The following PELI2 variants were observed in gnomAD, a reference collection of about 807,000 sequenced individuals.
PELI2 encodes pellino E3 ubiquitin protein ligase family member 2, also known as E3 ubiquitin-protein ligase pellino homolog 2.
A neutral mutation model predicts 42.3 loss-of-function variants in PELI2; 23 were observed. The ratio of observed to expected loss-of-function variants is 0.54; its 90% confidence interval spans 0.39 to 0.77. The LOEUF (loss-of-function observed/expected upper bound fraction) is 0.77. Ranked by LOEUF, PELI2 falls within the 30% of genes least tolerant of loss-of-function variation. The pLI, the probability that PELI2 is intolerant of heterozygous loss-of-function variation, is 0.00. For synonymous variants in PELI2, 245 were observed against 212.2 expected (o/e 1.15, Z -1.34); for missense variants, 463 against 553.2 (o/e 0.84, Z 1.64).
At chr14:56,192,237 T>G (rs1157221389) in intron 2 of PELI2, among the ~76,000 whole-genome samples, 1 of 152,246 alleles carries the variant, frequency 6.6e-6, no homozygotes, top group Non-Finnish European at 1.5e-5. Context: ...TTACTGAAAT[T>G]TCTTGCATTT....
chr14:56,240,072 T>A (rs1485275802), intron 2 of PELI2, among the ~76,000 whole-genome samples: 2 of 152,132 alleles, frequency 1.3e-5, no homozygotes, highest in East Asian at 3.9e-4. Flanking sequence ...ATTAAGATAT[T>A]TGGGCCAGAT....
intron 1 of PELI2, among the ~76,000 whole-genome samples, chr14:56,163,702 A>G (rs1449167831): frequency 3.3e-5 from 5 of 152,116 alleles, no homozygotes; most frequent in African/African-American, 9.7e-5. Flanking sequence ...TTTCCAATCC[A>G]TGAACATGGG....
chr14:56,282,308 G>C (rs1466798511), intron 3 of PELI2, among the ~76,000 whole-genome samples: 1 of 151,920 alleles, frequency 6.6e-6, no homozygotes, highest in Non-Finnish European at 1.5e-5. Context: ...ATATTATTGA[G>C]TATATGGAGT....
chr14:56,124,781 G>A lies in PELI2; in HGVS notation c.77+6044G>A, dbSNP rs140308420. Among the ~76,000 whole-genome samples, 201 of 152,318 alleles carry A rather than the reference G, an allele frequency of 1.3e-3. 1 individual carries two copies. The highest frequency in any genetic ancestry group is 4.3e-3 in the African/African-American group (177 of 41,574). On this transcript the variant is annotated intron_variant, in intron 1 of 5. Transcript: ENST00000267460. ...TGACCACGATGGAGATAAGAGGGAA[G>A]GAGTGCTTTCCGAAGAAGGTTTGGA... is the stretch of plus-strand genomic sequence containing the variant.
chr14:56,138,713 A>G (rs1350947566), intron 1 of PELI2, among the ~76,000 whole-genome samples: 3 of 152,186 alleles, frequency 2.0e-5, no homozygotes, highest in Non-Finnish European at 4.4e-5. Context: ...TCCATTTCAG[A>G]CTATAACTGA....
rs1890068119 is a variant in PELI2 at position 56,297,994 on chromosome 14, G to C, written c.*828G>C. ...GAGGGTAATTACAGTAGTAGACATG[G>C]TCTGGGTACTATACTACCATGTTTA... On this transcript the variant is annotated 3_prime_UTR_variant, in exon 6 of 6. Transcript: ENST00000267460. 6.6e-6 allele frequency: 1 copy of C among 152,008 alleles called. No individual in the cohort carries two copies. Among genetic ancestry groups the C allele is most frequent in the African/African-American group, 2.4e-5 (1 of 41,402 alleles). The allele number at this position is 152,008 out of a possible 1,614,324, so 9.4% of individuals were successfully genotyped here. A position where few individuals can be genotyped will look rare whatever the true frequency, so the allele number is the denominator to read the frequency against.
At chr14:56,125,132 G>A (rs1883203991) in intron 1 of PELI2, among the ~76,000 whole-genome samples, 1 of 152,082 alleles carries the variant, frequency 6.6e-6, no homozygotes, top group African/African-American at 2.4e-5. Context: ...GAGCTAGAGG[G>A]CAGCTGTCTT....
chr14:56,124,686 A>G (rs242387), intron 1 of PELI2, among the ~76,000 whole-genome samples: 99,915 of 152,100 alleles, frequency 0.66, 33,037 homozygotes, highest in Admixed American at 0.73. Flanking sequence ...GCCTAGCTGG[A>G]AGACCTGAAG....
intron 2 of PELI2, among the ~76,000 whole-genome samples, chr14:56,267,068 T>C (rs1169913841): frequency 1.3e-5 from 2 of 152,086 alleles, no homozygotes; most frequent in Non-Finnish European, 2.9e-5. Flanking sequence ...GTGGCTTTCT[T>C]AGTGATAGAA....
intron 2 of PELI2, among the ~76,000 whole-genome samples, chr14:56,269,156 T>C (rs563282389): frequency 4.4e-4 from 67 of 152,218 alleles, no homozygotes; most frequent in Admixed American, 9.8e-4. Context: ...AAAGAATTGA[T>C]TGGGTTAGGT....
chr14:56,151,435 A>G (rs1350697054), intron 1 of PELI2, among the ~76,000 whole-genome samples: 2 of 152,188 alleles, frequency 1.3e-5, no homozygotes, highest in Middle Eastern at 3.2e-3. Flanking sequence ...CTAGAACAAC[A>G]TTACTTATTG....
intron 1 of PELI2, among the ~76,000 whole-genome samples, chr14:56,160,119 T>A (rs1021501177): frequency 2.0e-5 from 3 of 151,902 alleles, no homozygotes; most frequent in Admixed American, 6.6e-5. Flanking sequence ...TAATAGGGAT[T>A]GGAATAAATG....
intron 2 of PELI2, among the ~76,000 whole-genome samples, chr14:56,189,579 T>C (rs555805897): frequency 6.6e-6 from 1 of 152,352 alleles, no homozygotes; most frequent in Admixed American, 6.5e-5. Flanking sequence ...ATATGCCTAC[T>C]ACGTGGTAGC....
chr14:56,192,882 T>C (rs1279890410), intron 2 of PELI2, among the ~76,000 whole-genome samples: 1 of 152,212 alleles, frequency 6.6e-6, no homozygotes, highest in Non-Finnish European at 1.5e-5. Context: ...TTTCTTCTTA[T>C]TTTTCACCAT....
intron 2 of PELI2, among the ~76,000 whole-genome samples, chr14:56,236,526 G>A (rs1887802409): frequency 6.6e-6 from 1 of 152,190 alleles, no homozygotes; most frequent in Admixed American, 6.5e-5. Context: ...AGTAGCTAAA[G>A]CGTTTACAGT....
intron 1 of PELI2, among the ~76,000 whole-genome samples, chr14:56,171,123 C>CAA (rs1336788369): frequency 6.6e-6 from 1 of 152,108 alleles, no homozygotes; most frequent in Non-Finnish European, 1.5e-5. Flanking sequence ...TTCTACTATA[C>CAA]AAAAGATGGT....
At position 56,192,429 on chromosome 14, in the gene PELI2, T is replaced by C. The variant is rs146946928; in HGVS notation, c.207+13965T>C. The stretch of plus-strand genomic sequence containing the variant: ...TTGGCAGTTTGGGCCAGATAATCTT[T>C]GTTGTGGGGCCCGTGCTGTGCCTTT... On this transcript the variant is annotated intron_variant, in intron 2 of 5. Coordinates refer to ENST00000267460, the MANE Select transcript of PELI2 (RefSeq NM_021255.3). 3.1e-3 allele frequency among the ~76,000 whole-genome samples: 467 copies of C among 152,316 alleles called. 1 individual carries two copies. Among genetic ancestry groups the C allele is most frequent in the African/African-American group, 0.011 (446 of 41,574 alleles).
chr14:56,144,152 C>G (rs559149842), intron 1 of PELI2, among the ~76,000 whole-genome samples: 14 of 152,322 alleles, frequency 9.2e-5, no homozygotes, highest in African/African-American at 3.4e-4. Flanking sequence ...CTTGTAACTT[C>G]TTTCGTAGAC....
chr14:56,236,347 GA>G (rs1887793681), intron 2 of PELI2, among the ~76,000 whole-genome samples: 1 of 152,118 alleles, frequency 6.6e-6, no homozygotes, highest in Non-Finnish European at 1.5e-5. Flanking sequence ...AGGTTTTAAT[GA>G]CACTTTATGT....
Sources: gnomAD v4.1 joint callset for allele counts (sites outside exome capture counted in the v4.1 genomes callset) on GRCh38, gnomAD v4.1.1 for gene constraint, MANE v1.5 for transcripts, NCBI Gene and HGNC (gene_info 2026-07-23, HGNC 2026-07-21) for gene names.